The following ST3GAL2 variants were observed in gnomAD, a reference collection of about 807,000 sequenced individuals.
The protein encoded by ST3GAL2 is CMP-N-acetylneuraminate-beta-galactosamide-alpha-2,3-sialyltransferase 2.
ST3GAL2 carries 16 observed loss-of-function variants against 37.5 expected under a neutral mutation model. That is an observed-to-expected ratio of 0.43 (90% CI 0.29 to 0.65). The LOEUF is 0.65. ST3GAL2 is among the 30% of genes least tolerant of loss of function. The probability of loss-of-function intolerance (pLI) is 0.17; values close to 1 mark genes in which losing one functional copy is unlikely to be tolerated. For missense variants in ST3GAL2, 383 were observed against 487.8 expected (o/e 0.79, Z 2.02); for synonymous variants, 238 against 202.9 (o/e 1.17, Z -1.47).
chr16:70,398,376 G>T lies in ST3GAL2; in HGVS notation c.155C>A (p.Pro52His), dbSNP rs1197089444. The change falls in exon 2 of 7, where the codon CCC becomes CAC. Residue 52 changes from proline (P) to histidine (H), a missense_variant. By Grantham distance (77) the Pro-to-His change is moderately conservative. Transcript: ENST00000342907. ...GAGGCGCTGCAGGCCGGCATAGCCG[G>T]GCACCAGCTTCACCCGGTGCGTCCC... ...LDGTHRVKLVPGYAGLQRLSK... is the reference protein window; with the variant it reads ...LDGTHRVKLVHGYAGLQRLSK... The T allele has an allele frequency of 6.2e-7, 1 of 1,613,526 alleles. No homozygotes were observed.
rs1045389167 is a variant in ST3GAL2, at chr16:70,378,823, C to T, written c.*2866G>A. 6.6e-6 allele frequency: 1 copy of T among 152,216 alleles called. No individual in the cohort carries two copies. Among genetic ancestry groups the T allele is most frequent in the African/African-American group, 2.4e-5 (1 of 41,424 alleles). The allele number at this position is 152,216 out of a possible 1,614,324, so 9.4% of individuals were successfully genotyped here. Reference sequence around the variant, plus strand: ...CTAGCCTGACCAACATGGAGAAAACCCGTCTCTACTAAAAATATAAAATTA... The same window carrying T: ...CTAGCCTGACCAACATGGAGAAAACTCGTCTCTACTAAAAATATAAAATTA... On this transcript the variant is annotated 3_prime_UTR_variant, in exon 7 of 7. Transcript: ENST00000342907.
chr16:70,387,018 C>T (rs572252409), intron 4 of ST3GAL2, among the ~76,000 whole-genome samples: 158 of 151,730 alleles, frequency 1.0e-3, no homozygotes, highest in Middle Eastern at 0.01. Flanking sequence ...CTTCGGGAGG[C>T]CAAGGTGAGC....
intron 1 of ST3GAL2, among the ~76,000 whole-genome samples, chr16:70,435,294 T>C (rs2047817227): frequency 6.6e-6 from 1 of 152,148 alleles, no homozygotes; most frequent in Non-Finnish European, 1.5e-5. Flanking sequence ...AAAGTCCCTC[T>C]TAAGACTTTA....
intron 1 of ST3GAL2, among the ~76,000 whole-genome samples, chr16:70,434,371 A>C (rs1225806740): frequency 6.6e-6 from 1 of 151,530 alleles, no homozygotes; most frequent in Non-Finnish European, 1.5e-5. Context: ...CAGGAGTCAG[A>C]GGTTGCAGTG....
intron 1 of ST3GAL2, among the ~76,000 whole-genome samples, chr16:70,431,794 TC>T (rs1409910152): frequency 6.6e-6 from 1 of 151,794 alleles, no homozygotes; most frequent in African/African-American, 2.4e-5. Context: ...AAACCCCGTC[TC>T]TACTAAAAAT....
chr16:70,416,386 G>C (rs921771129), intron 1 of ST3GAL2, among the ~76,000 whole-genome samples: 12 of 152,068 alleles, frequency 7.9e-5, no homozygotes, highest in African/African-American at 1.9e-4. Context: ...CATTTATTAA[G>C]ATTCTACACT....
At position 70,399,383 on chromosome 16, in the gene ST3GAL2, T is replaced by C. The variant is rs1401576498; in HGVS notation, c.-853A>G. The C allele has an allele frequency of 2.5e-6, 1 of 398,798 alleles. No homozygotes were observed. The highest frequency in any genetic ancestry group is 4.4e-6 in the Non-Finnish European group (1 of 226,224). The allele number at this position is 398,798 out of a possible 1,614,324, so 24.7% of individuals were successfully genotyped here. ...TCAGGCGAGCTTGTGCTGAGCTCCC[T>C]ACCAGGGTCCAGGTCTCCTTCCTAA... is the stretch of plus-strand genomic sequence containing the variant. On this transcript the variant is annotated 5_prime_UTR_variant, in exon 2 of 7. Transcript: ENST00000342907.
Position 70,381,791 on chromosome 16 carries a change from C to G in ST3GAL2, c.951G>C (p.Ala317=). The part of the protein sequence containing the change: ...WHHYWENNRY[A]GEFRKTGVHD... ...GCACGCCAGTCTTCCGGAACTCGCCCGCGTACCGGTTGTTCTCCCAGTAGT... is the reference window on the plus strand; with the variant it reads ...GCACGCCAGTCTTCCGGAACTCGCCGGCGTACCGGTTGTTCTCCCAGTAGT... The change falls in exon 7 of 7, where the codon GCG becomes GCC. Residue 317 remains alanine (A), a synonymous_variant. Coordinates refer to ENST00000342907, the MANE Select transcript of ST3GAL2 (RefSeq NM_006927.4). 1 of 1,614,092 alleles carries G rather than the reference C, an allele frequency of 6.2e-7. No individual in the cohort carries two copies. The highest frequency in any genetic ancestry group is 8.5e-7 in the Non-Finnish European group (1 of 1,179,954).
At chr16:70,406,210 G>A (rs371908092) in intron 1 of ST3GAL2, among the ~76,000 whole-genome samples, 2 of 152,288 alleles carry the variant, frequency 1.3e-5, no homozygotes, top group African/African-American at 4.8e-5. Context: ...CTGGCAGGCC[G>A]AGGTGGGCAG....
intron 1 of ST3GAL2, among the ~76,000 whole-genome samples, chr16:70,426,238 G>C (rs1597575935): frequency 1.6e-5 from 2 of 127,020 alleles, no homozygotes; most frequent in Middle Eastern, 0.011. Context: ...CTGTCGCCCA[G>C]GCTGGAGTGC....
Position 70,399,016 on chromosome 16 carries a change from CAG to C in ST3GAL2, c.-488_-487del, listed in dbSNP as rs2047537297. The C allele has an allele frequency of 2.4e-6, 1 of 409,738 alleles. No homozygotes were observed. Among genetic ancestry groups the C allele is most frequent in the African/African-American group, 2.0e-5 (1 of 48,842 alleles). The allele number at this position is 409,738 out of a possible 1,614,324, so 25.4% of individuals were successfully genotyped here. Reference sequence around the variant, plus strand: ...GGAAGCCCTAGAACTCCAATCACAACAGAGAGCACAGGGGCTTCAGGGGACTT... The same window carrying C: ...GGAAGCCCTAGAACTCCAATCACAACAGAGCACAGGGGCTTCAGGGGACTT... On this transcript the variant is annotated 5_prime_UTR_variant, in exon 2 of 7. The change abolishes the stop of an existing upstream ORF in the 5' untranslated region. Coordinates refer to ENST00000342907, the MANE Select transcript of ST3GAL2 (RefSeq NM_006927.4).
intron 1 of ST3GAL2, among the ~76,000 whole-genome samples, chr16:70,413,358 T>A (rs1272603678): frequency 6.6e-6 from 1 of 151,044 alleles, no homozygotes. Flanking sequence ...CAAGGCTGCA[T>A]TGAGCCATGA....
rs776957863 is a variant in ST3GAL2, at chr16:70,398,864, T to G, written c.-334A>C. 24 of 477,350 alleles carry G rather than the reference T, an allele frequency of 5.0e-5. No homozygotes were observed. Among genetic ancestry groups the G allele is most frequent in the Non-Finnish European group, 7.7e-5 (21 of 272,270 alleles). 29.6% of individuals were successfully genotyped at this position (477,350 alleles called of 1,614,324 possible). ...AGTCCATTGCAGCCCTCTAGTCCCT[T>G]GGGATTGCTGGCTGCCAGCTCTAGG... On this transcript the variant is annotated 5_prime_UTR_variant, in exon 2 of 7. Transcript: ENST00000342907.
At chr16:70,424,196 T>C (rs573748337) in intron 1 of ST3GAL2, among the ~76,000 whole-genome samples, 2 of 144,382 alleles carry the variant, frequency 1.4e-5, no homozygotes, top group African/African-American at 2.5e-5. Context: ...GGTTTCTCCA[T>C]GTTGGTCAGA....
intron 6 of ST3GAL2, among the ~76,000 whole-genome samples, chr16:70,382,249 T>G (rs1241106743): frequency 6.6e-6 from 1 of 151,978 alleles, no homozygotes; most frequent in Non-Finnish European, 1.5e-5. Flanking sequence ...CAGCTGAAAT[T>G]CAACTACATA....
chr16:70,406,346 A>C (rs1241348650), intron 1 of ST3GAL2, among the ~76,000 whole-genome samples: 2 of 151,866 alleles, frequency 1.3e-5, no homozygotes, highest in Non-Finnish European at 2.9e-5. Flanking sequence ...ATCTCTACTA[A>C]AAATAACAAA....
chr16:70,395,949 T>C (rs1165024516), intron 2 of ST3GAL2, among the ~76,000 whole-genome samples: 1 of 151,438 alleles, frequency 6.6e-6, no homozygotes, highest in Non-Finnish European at 1.5e-5. Context: ...GGATTTCATA[T>C]GAAACAAGAA....
chr16:70,438,435 G>C (rs900273798), intron 1 of ST3GAL2, among the ~76,000 whole-genome samples: 1 of 152,208 alleles, frequency 6.6e-6, no homozygotes, highest in African/African-American at 2.4e-5. Context: ...GTCGAGCCGT[G>C]AGAACTGGGC....
At position 70,376,523 on chromosome 16, in the gene ST3GAL2, G is replaced by T. The variant is rs562023856; in HGVS notation, c.*5166C>A. 1 of 152,314 alleles carries T rather than the reference G, an allele frequency of 6.6e-6. No individual in the cohort carries two copies. Among genetic ancestry groups the T allele is most frequent in the Admixed American group, 6.5e-5 (1 of 15,290 alleles). 9.4% of individuals were successfully genotyped at this position (152,314 alleles called of 1,614,324 possible). ...GGCGGGAGAGGGGGACCTCCTCTTG[G>T]ATTTTGTGGGTTGGTTGTTACCCAG... On this transcript the variant is annotated 3_prime_UTR_variant, in exon 7 of 7. Transcript: ENST00000342907.
Sources: allele counts gnomAD v4.1 joint callset (sites outside exome capture counted in the v4.1 genomes callset), GRCh38; gene constraint gnomAD v4.1.1; transcripts MANE v1.5; gene names NCBI Gene and HGNC (gene_info 2026-07-23, HGNC 2026-07-21).